Variants in IL1R1 observed in about 807,000 individuals in gnomAD.
The protein encoded by IL1R1 is interleukin-1 receptor type 1.
Under a neutral mutation model 50.2 loss-of-function variants are expected in IL1R1, and 22 were observed. The observed-to-expected ratio is 0.44, with a 90% CI of 0.31 to 0.63. The LOEUF (loss-of-function observed/expected upper bound fraction) is 0.63, where lower values mean the gene tolerates loss of function less well. Ranked by LOEUF, IL1R1 falls within the 20% of genes least tolerant of loss-of-function variation. The pLI, the probability that IL1R1 is intolerant of heterozygous loss-of-function variation, is 0.07. For missense variants in IL1R1, 509 were observed against 676.2 expected (o/e 0.75, Z 2.74); for synonymous variants, 251 against 236.7 (o/e 1.06, Z -0.55).
rs1048060015 is a variant in IL1R1, at chr2:102,078,602, GA to G, written c.-84+8079del. 3.6e-4 allele frequency among the ~76,000 whole-genome samples: 28 copies of G among 78,534 alleles called. 1 individual carries two copies. In the East Asian group the frequency reaches 8.3e-3, roughly 23 times the overall value. 51.5% of individuals were successfully genotyped at this position (78,534 alleles called of 152,430 possible). A position where few individuals can be genotyped will look rare whatever the true frequency, so the allele number is the denominator to read the frequency against. On this transcript the variant is annotated intron_variant, in intron 1 of 11. Coordinates refer to the IL1R1 transcript ENST00000409929. ...CACACACACACACACACACACACAA[GA>G]AAAAAAAAAGGAAAAAAGCCCATGC...
At chr2:102,079,168 A>C (rs1365916467) in intron 1 of IL1R1, among the ~76,000 whole-genome samples, 1 of 152,196 alleles carries the variant, frequency 6.6e-6, no homozygotes, top group Non-Finnish European at 1.5e-5. Context: ...ATTATACTTA[A>C]TGATCAAAGA....
chr2:102,132,028 T>C (rs1682066465), intron 1 of IL1R1, among the ~76,000 whole-genome samples: 1 of 151,922 alleles, frequency 6.6e-6, no homozygotes, highest in South Asian at 2.1e-4. Context: ...CTAGAAGAGT[T>C]TGGAGCATGA....
At chr2:102,099,160 A>T (rs1231180677) in intron 1 of IL1R1, among the ~76,000 whole-genome samples, 4 of 152,216 alleles carry the variant, frequency 2.6e-5, no homozygotes, top group Non-Finnish European at 5.9e-5. Flanking sequence ...AAGTCTGTAG[A>T]TCCAAATCCT....
intron 1 of IL1R1, among the ~76,000 whole-genome samples, chr2:102,090,045 A>G (rs1177491467): frequency 2.6e-5 from 4 of 151,770 alleles, no homozygotes; most frequent in Non-Finnish European, 5.9e-5. Flanking sequence ...CATGTTAGCC[A>G]GGATGGTCTC....
At chr2:102,131,647 T>TAAA (rs57203651) in intron 1 of IL1R1, among the ~76,000 whole-genome samples, 39 of 150,312 alleles carry the variant, frequency 2.6e-4, no homozygotes, top group African/African-American at 5.4e-4. Flanking sequence ...ATAGAAACTA[T>TAAA]AAAAAAAAAC....
At chr2:102,166,803 A>T (rs1685218912) in intron 6 of IL1R1, among the ~76,000 whole-genome samples, 2 of 152,184 alleles carry the variant, frequency 1.3e-5, no homozygotes, top group African/African-American at 4.8e-5. Context: ...TATTGGGAAG[A>T]TTAGAGATAT....
chr2:102,133,608 GA>G (rs1199387487), intron 1 of IL1R1, among the ~76,000 whole-genome samples: 2 of 152,132 alleles, frequency 1.3e-5, no homozygotes, highest in Non-Finnish European at 1.5e-5. Flanking sequence ...CTTAGCATTG[GA>G]AAAATCCATA....
chr2:102,079,567 T>C (rs1451901892), intron 1 of IL1R1, among the ~76,000 whole-genome samples: 1 of 152,140 alleles, frequency 6.6e-6, no homozygotes, highest in Non-Finnish European at 1.5e-5. Flanking sequence ...ACTAAAAGTA[T>C]AAAATATTAT....
chr2:102,157,343 C>A (rs1035833744), intron 2 of IL1R1, among the ~76,000 whole-genome samples: 1 of 151,964 alleles, frequency 6.6e-6, no homozygotes. Flanking sequence ...GGGAACCAAT[C>A]CCCACACAAG....
Position 102,175,771 on chromosome 2 carries a change from G to A in IL1R1, c.1303+126G>A. 3.7e-6 allele frequency: 3 copies of A among 811,000 alleles called. No homozygotes were observed. In the South Asian group the frequency reaches 4.4e-5, roughly 12 times the overall value. The allele number at this position is 811,000 out of a possible 1,614,324, so 50.2% of individuals were successfully genotyped here. A position where few individuals can be genotyped will look rare whatever the true frequency, so the allele number is the denominator to read the frequency against. On this transcript the variant is annotated intron_variant, in intron 11 of 11. Coordinates refer to ENST00000410023, the MANE Select transcript of IL1R1 (RefSeq NM_000877.4). ...TTTCACAATTTTAAGAACCTCTTCAGAAGTGTATGATGATTTTTACATTTA... is the reference window on the plus strand; with the variant it reads ...TTTCACAATTTTAAGAACCTCTTCAAAAGTGTATGATGATTTTTACATTTA...
Position 102,171,790 on chromosome 2 carries a change from A to C in IL1R1, c.722-11A>C, listed in dbSNP as rs1430539533. ...CAATTAATGTTAAGATTAAAAATACATTCTTTGCAGGATCCCAGATACAAT... is the reference window on the plus strand; with the variant it reads ...CAATTAATGTTAAGATTAAAAATACCTTCTTTGCAGGATCCCAGATACAAT... On this transcript the variant is annotated splice_polypyrimidine_tract_variant and intron_variant, in intron 7 of 11. Transcript: ENST00000410023. 3 of 1,482,594 alleles carry C rather than the reference A, an allele frequency of 2.0e-6. No homozygotes were observed. Among genetic ancestry groups the C allele is most frequent in the South Asian group, 2.3e-5 (2 of 85,936 alleles). The allele number at this position is 1,482,594 out of a possible 1,614,324, so 91.8% of individuals were successfully genotyped here.
In IL1R1 at chr2:102,106,683, G is replaced by A. The variant is rs78185575; in HGVS notation, c.-84+1811G>A. Among the ~76,000 whole-genome samples the A allele has an allele frequency of 2.0e-5, 3 of 152,278 alleles. No homozygotes were observed. The East Asian group carries it at 5.8e-4, about 29-fold the overall frequency. Reference sequence around the variant, plus strand: ...GGTAAACACTGTTAACATTTTGGTAGGTGTATTTGTCTCTGAGTACATTTA... The same window carrying A: ...GGTAAACACTGTTAACATTTTGGTAAGTGTATTTGTCTCTGAGTACATTTA... On this transcript the variant is annotated intron_variant, in intron 1 of 10. Coordinates refer to the IL1R1 transcript ENST00000409329.
At chr2:102,134,942 C>A (rs1682259964) in intron 1 of IL1R1, among the ~76,000 whole-genome samples, 1 of 152,144 alleles carries the variant, frequency 6.6e-6, no homozygotes, top group Non-Finnish European at 1.5e-5. Context: ...GACTGTTTCC[C>A]TGTGTCATTA....
At chr2:102,152,174 G>GT (rs1438114286) in intron 1 of IL1R1, among the ~76,000 whole-genome samples, 3 of 152,038 alleles carry the variant, frequency 2.0e-5, no homozygotes, top group Non-Finnish European at 4.4e-5. Flanking sequence ...CTTAAGTGAA[G>GT]TTTCTGGGGC....
At chr2:102,156,568 G>A (rs1553633447) in intron 2 of IL1R1, among the ~76,000 whole-genome samples, 1 of 151,246 alleles carries the variant, frequency 6.6e-6, no homozygotes, top group Non-Finnish European at 1.5e-5. Context: ...CTGGAGTGCA[G>A]TGGCACCATC....
At chr2:102,139,234 A>C (rs1682507799), upstream of IL1R1, among the ~76,000 whole-genome samples, 3 of 152,142 alleles carry the variant, frequency 2.0e-5, no homozygotes. Flanking sequence ...TGGTCTTCTT[A>C]GCTTCTGCAC....
intron 1 of IL1R1, among the ~76,000 whole-genome samples, chr2:102,121,731 A>G (rs62156384): frequency 0.18 from 28,087 of 152,172 alleles, 2,722 homozygotes; most frequent in South Asian, 0.21. Flanking sequence ...TTAAAACCAC[A>G]TTTTAACATT....
chr2:102,106,268 T>C (rs1680403614), intron 1 of IL1R1, among the ~76,000 whole-genome samples: 1 of 152,056 alleles, frequency 6.6e-6, no homozygotes, highest in African/African-American at 2.4e-5. Context: ...GTGTGTGCAT[T>C]TGATGCCAGA....
At chr2:102,148,869 C>G (rs1683385698) in intron 1 of IL1R1, among the ~76,000 whole-genome samples, 1 of 152,098 alleles carries the variant, frequency 6.6e-6, no homozygotes, top group Non-Finnish European at 1.5e-5. Flanking sequence ...AGGAATAACA[C>G]AGGAGGTCAA....
Sources: allele counts gnomAD v4.1 joint callset (sites outside exome capture counted in the v4.1 genomes callset), GRCh38; gene constraint gnomAD v4.1.1; transcripts MANE v1.5; gene names NCBI Gene and HGNC (gene_info 2026-07-23, HGNC 2026-07-21).